The following FAM133B variants were observed in gnomAD, a reference collection of about 807,000 sequenced individuals.
FAM133B encodes the protein protein FAM133B.
In FAM133B, 25 loss-of-function variants were observed where a neutral mutation model predicts 46.4. The ratio of observed to expected loss-of-function variants is 0.54; its 90% confidence interval spans 0.39 to 0.75. The LOEUF (loss-of-function observed/expected upper bound fraction) is 0.75, where lower values mean the gene tolerates loss of function less well. Ranked by LOEUF, FAM133B falls within the 30% of genes least tolerant of loss-of-function variation. The probability of loss-of-function intolerance (pLI) is 0.00; values close to 1 mark genes in which losing one functional copy is unlikely to be tolerated. For synonymous variants in FAM133B, 75 were observed against 86.0 expected, an observed-to-expected ratio of 0.87 and a Z score of 0.71; for missense variants, 205 against 277.6, an observed-to-expected ratio of 0.74 and a Z score of 1.86.
At chr7:92,564,957 A>G (rs1456995949) in intron 10 of FAM133B, among the ~76,000 whole-genome samples, 1 of 152,110 alleles carries the variant, frequency 6.6e-6, no homozygotes, top group Non-Finnish European at 1.5e-5. Flanking sequence ...ATCTTTATTA[A>G]TGAGTCATTT....
At chr7:92,562,523 T>A (rs1794190830) in intron 10 of FAM133B, among the ~76,000 whole-genome samples, 155 bp from the exon 11 acceptor site, 1 of 152,136 alleles carries the variant, frequency 6.6e-6, no homozygotes, top group South Asian at 2.1e-4. Flanking sequence ...ACAACCAGTA[T>A]CATATGAGGA....
chr7:92,577,100 T>G lies in FAM133B; in HGVS notation c.465+3A>C. The stretch of plus-strand genomic sequence containing the variant: ...CAATATATTAATAATTTAAATAATT[T>G]ACCTTACTGTCTGATTCAGTTTCTG... On this transcript the variant is annotated splice_donor_region_variant and intron_variant, in intron 7 of 10. Transcript: ENST00000445716. 1 of 1,434,756 alleles carries G rather than the reference T, an allele frequency of 7.0e-7. No individual in the cohort carries two copies. Among genetic ancestry groups the G allele is most frequent in the Non-Finnish European group, 9.2e-7 (1 of 1,084,862 alleles). 88.9% of individuals were successfully genotyped at this position (1,434,756 alleles called of 1,614,324 possible). A position where few individuals can be genotyped will look rare whatever the true frequency, so the allele number is the denominator to read the frequency against.
chr7:92,576,620 T>C (rs926893617), intron 7 of FAM133B, among the ~76,000 whole-genome samples: 1 of 152,178 alleles, frequency 6.6e-6, no homozygotes, highest in African/African-American at 2.4e-5. Flanking sequence ...AAACAGACTC[T>C]GGAGGTAGGG....
intron 6 of FAM133B, chr7:92,577,434 A>G (rs1294233898): frequency 2.2e-6 from 1 of 445,290 alleles, no homozygotes; most frequent in Non-Finnish European, 3.9e-6. Context: ...TTCTACTGAT[A>G]TTTTTAGGTC....
At chr7:92,571,934 T>C (rs1023739227) in intron 8 of FAM133B, among the ~76,000 whole-genome samples, 62 of 152,360 alleles carry the variant, frequency 4.1e-4, no homozygotes, top group African/African-American at 1.4e-3. Flanking sequence ...CTTTAAAATT[T>C]TCTTGCAGAT....
chr7:92,583,244 T>C (rs1794940280), intron 1 of FAM133B, among the ~76,000 whole-genome samples: 1 of 151,990 alleles, frequency 6.6e-6, no homozygotes, highest in African/African-American at 2.4e-5. Context: ...AAAGAACAAA[T>C]ATATGATTCC....
chr7:92,577,016 C>CTTA, intron 7 of FAM133B, 87 bp downstream of exon 7: 1 of 730,782 alleles, frequency 1.4e-6, no homozygotes, highest in Non-Finnish European at 2.1e-6. Context: ...ATCAGACTAT[C>CTTA]TTATTTTTAA....
At position 92,578,164 on chromosome 7, in the gene FAM133B, T is replaced by A; in HGVS notation, c.295A>T (p.Lys99Ter). 6.2e-7 allele frequency: 1 copy of A among 1,610,386 alleles called. No homozygotes were observed. The highest frequency in any genetic ancestry group is 1.1e-5 in the South Asian group (1 of 89,968). ...KKRQRKKKEK[K>*]KSGRYSSSSS... ...TTTTTGCTCACCCTACCAGATTTCTTCTTTTCTTTTTTCTTTCTCTAAATG... is the reference window on the plus strand; with the variant it reads ...TTTTTGCTCACCCTACCAGATTTCTACTTTTCTTTTTTCTTTCTCTAAATG... The change falls in exon 5 of 11, where the codon AAG becomes TAG. Residue 99 changes from lysine (K) to a stop codon, truncating the protein, a stop_gained. Transcript: ENST00000445716. LOFTEE classifies it high-confidence loss of function.
intron 10 of FAM133B, among the ~76,000 whole-genome samples, chr7:92,563,237 C>G (rs937805092): frequency 2.0e-5 from 3 of 150,992 alleles, no homozygotes; most frequent in African/African-American, 7.5e-5. Context: ...ACTCTCCCCT[C>G]TCTCAAAGGC....
chr7:92,565,149 C>CTTTTT (rs72450473), intron 10 of FAM133B, among the ~76,000 whole-genome samples: 1 of 130,466 alleles, frequency 7.7e-6, no homozygotes, highest in Non-Finnish European at 1.6e-5. Context: ...GCTTATATTT[C>CTTTTT]TTTTTTTTTT....
chr7:92,584,980 TAAACA>T (rs148386601), intron 1 of FAM133B, among the ~76,000 whole-genome samples: 26,833 of 151,496 alleles, frequency 0.18, 2,671 homozygotes, highest in African/African-American at 0.27. Context: ...TTGTCTCTAC[TAAACA>T]AAACAAAACA....
chr7:92,588,490 A>C (rs1352131988), intron 1 of FAM133B, among the ~76,000 whole-genome samples: 1 of 152,222 alleles, frequency 6.6e-6, no homozygotes, highest in South Asian at 2.1e-4. Flanking sequence ...ATAGCACAAC[A>C]AAGTCTCACC....
intron 9 of FAM133B, 158 bp downstream of exon 9, chr7:92,569,665 G>A (rs1794471290): frequency 2.6e-6 from 1 of 387,108 alleles, no homozygotes; most frequent in Non-Finnish European, 4.7e-6. Context: ...CTGGAAAAAA[G>A]CAAAACTCAT....
chr7:92,563,190 G>A (rs2116370231), intron 10 of FAM133B, among the ~76,000 whole-genome samples: 1 of 152,292 alleles, frequency 6.6e-6, no homozygotes, highest in East Asian at 1.9e-4. Context: ...GGTAACAGCA[G>A]AGCTTCCTAT....
chr7:92,566,018 G>A lies in FAM133B; in HGVS notation c.653C>T (p.Ala218Val). ...AAAACGTTAAGAGATACTTGCTGTTGCTTTTTCTCGTTCTTCACTGCTTTT... is the reference window on the plus strand; with the variant it reads ...AAAACGTTAAGAGATACTTGCTGTTACTTTTTCTCGTTCTTCACTGCTTTT... Reference protein sequence around the residue: ...KKKSSEEREKATEKTKKKKKH... With the variant: ...KKKSSEEREKVTEKTKKKKKH... The change falls in exon 10 of 11, where the codon GCA becomes GTA. Residue 218 changes from alanine (A) to valine (V), a missense_variant. Transcript: ENST00000445716. 5 of 1,613,704 alleles carry A rather than the reference G, an allele frequency of 3.1e-6. No homozygotes were observed. Among genetic ancestry groups the A allele is most frequent in the Non-Finnish European group, 8.5e-7 (1 of 1,179,816 alleles).
intron 9 of FAM133B, among the ~76,000 whole-genome samples, chr7:92,568,652 G>C (rs1051163730): frequency 6.6e-6 from 1 of 151,732 alleles, no homozygotes; most frequent in South Asian, 2.1e-4. Flanking sequence ...ATAAGCACGA[G>C]CCACTGCGCC....
chr7:92,565,459 TTA>T (rs199983047), intron 10 of FAM133B: 31 of 142,102 alleles, frequency 2.2e-4, no homozygotes, highest in Non-Finnish European at 2.6e-4. Flanking sequence ...CCACCTGAGC[TTA>T]TATATATATA....
In FAM133B at chr7:92,567,178, T is replaced by C. The variant is rs187299147; in HGVS notation, c.610-1117A>G. 3.9e-4 allele frequency among the ~76,000 whole-genome samples: 60 copies of C among 152,046 alleles called. 1 individual carries two copies. In the East Asian group the frequency reaches 9.9e-3, roughly 25 times the overall value. ...GCTGCAGTGATCTATGACTGCACCA[T>C]TGCCCTCCAGCCTGGGCGATAGAGC... is the stretch of plus-strand genomic sequence containing the variant. On this transcript the variant is annotated intron_variant, in intron 9 of 10. Coordinates refer to ENST00000445716, the MANE Select transcript of FAM133B (RefSeq NM_152789.4).
intron 2 of FAM133B, among the ~76,000 whole-genome samples, chr7:92,581,023 G>GT (rs1794853494): frequency 6.6e-6 from 1 of 152,208 alleles, no homozygotes; most frequent in South Asian, 2.1e-4. Context: ...TGTCTCAGGA[G>GT]TAAGGTATTA....
Sources: allele counts gnomAD v4.1 joint callset (sites outside exome capture counted in the v4.1 genomes callset), GRCh38; gene constraint gnomAD v4.1.1; transcripts MANE v1.5; gene names NCBI Gene and HGNC (gene_info 2026-07-23, HGNC 2026-07-21).